FBXL20: variants seen among roughly 807,000 people sequenced by gnomAD.
FBXL20 encodes F-box/LRR-repeat protein 20.
In FBXL20, 11 loss-of-function variants were observed where a neutral mutation model predicts 64.0. The observed-to-expected ratio is 0.17, with a 90% CI of 0.11 to 0.28. FBXL20 has a LOEUF of 0.28. Among genes scored for constraint, FBXL20 ranks in the 10% least tolerant of loss-of-function variants. FBXL20 has a pLI of 1.00. For synonymous variants in FBXL20, 184 were observed against 189.0 expected (o/e 0.97, Z 0.22); for missense variants, 303 against 526.2 (o/e 0.58, Z 4.15).
At chr17:39,270,519 G>C (rs2046834736) in intron 11 of FBXL20, among the ~76,000 whole-genome samples, 1 of 152,092 alleles carries the variant, frequency 6.6e-6, no homozygotes, top group Non-Finnish European at 1.5e-5. Flanking sequence ...ACTCCAGCCT[G>C]GGTGACAGAG....
chr17:39,305,257 T>C (rs919044487), intron 2 of FBXL20, among the ~76,000 whole-genome samples: 1 of 152,198 alleles, frequency 6.6e-6, no homozygotes, highest in East Asian at 1.9e-4. Context: ...AACACAGCAA[T>C]GTTAGAAAAT....
chr17:39,353,825 A>T (rs2047711309), intron 1 of FBXL20, among the ~76,000 whole-genome samples: 1 of 151,900 alleles, frequency 6.6e-6, no homozygotes, highest in Admixed American at 6.6e-5. Context: ...GTTTCATCAT[A>T]TTGGCCAGGA....
At chr17:39,335,656 G>T (rs2047514238) in intron 2 of FBXL20, among the ~76,000 whole-genome samples, 1 of 151,228 alleles carries the variant, frequency 6.6e-6, no homozygotes, top group African/African-American at 2.4e-5. Context: ...GGAAAACACA[G>T]TCTTTGTCTT....
intron 1 of FBXL20, among the ~76,000 whole-genome samples, chr17:39,391,545 CA>C (rs201746058): frequency 5.4e-4 from 81 of 150,094 alleles, no homozygotes; most frequent in African/African-American, 1.9e-3. Context: ...ATAATACACA[CA>C]AAAAAAAACA....
chr17:39,280,232 T>C (rs2046936658), intron 9 of FBXL20, among the ~76,000 whole-genome samples: 1 of 84,018 alleles, frequency 1.2e-5, no homozygotes, highest in African/African-American at 3.2e-5. Context: ...CAAGACTCCG[T>C]CTCAAAAAAA....
intron 2 of FBXL20, among the ~76,000 whole-genome samples, chr17:39,324,797 C>T (rs538877546): frequency 6.6e-6 from 1 of 152,110 alleles, no homozygotes; most frequent in African/African-American, 2.4e-5. Flanking sequence ...CATTAACTTA[C>T]AAATTCTAAT....
At chr17:39,365,387 T>C (rs1243227944) in intron 1 of FBXL20, among the ~76,000 whole-genome samples, 1 of 152,224 alleles carries the variant, frequency 6.6e-6, no homozygotes, top group East Asian at 1.9e-4. Context: ...ATAAAATTGC[T>C]TTTTAGAAGC....
rs149540870 is a variant in FBXL20, at chr17:39,377,866, G to C, written c.42+23495C>G. The stretch of plus-strand genomic sequence containing the variant: ...GCGGGCAAGGTGAACTCCTTGAGCA[G>C]TTACAGCATGCTGGCACATGCCTGT... On this transcript the variant is annotated intron_variant, in intron 1 of 14. Coordinates refer to ENST00000264658, the MANE Select transcript of FBXL20 (RefSeq NM_032875.3). Among the ~76,000 whole-genome samples the C allele has an allele frequency of 4.6e-5, 7 of 152,288 alleles. No individual in the cohort carries two copies. The East Asian group carries it at 1.2e-3, about 25-fold the overall frequency.
intron 1 of FBXL20, among the ~76,000 whole-genome samples, chr17:39,383,559 G>A (rs939309972): frequency 2.0e-5 from 3 of 150,830 alleles, no homozygotes; most frequent in Non-Finnish European, 4.4e-5. Context: ...TATAGGTAGT[G>A]TCAGAGTCTC....
intron 1 of FBXL20, among the ~76,000 whole-genome samples, chr17:39,354,390 C>A (rs1264300457): frequency 6.6e-6 from 1 of 152,178 alleles, no homozygotes; most frequent in Admixed American, 6.6e-5. Context: ...CACTTACTAC[C>A]CATTCCATGT....
chr17:39,339,611 G>A (rs1245888629), intron 2 of FBXL20, among the ~76,000 whole-genome samples: 11 of 152,126 alleles, frequency 7.2e-5, no homozygotes, highest in South Asian at 2.1e-4. Context: ...GAATACTACC[G>A]TACAGTTGAA....
At chr17:39,265,703 T>G (rs925062003) in intron 12 of FBXL20, among the ~76,000 whole-genome samples, 4 of 151,380 alleles carry the variant, frequency 2.6e-5, no homozygotes, top group African/African-American at 9.7e-5. Context: ...TTTTTTTTTT[T>G]GTAGAGACAG....
intron 1 of FBXL20, among the ~76,000 whole-genome samples, chr17:39,388,330 A>T (rs1260324112): frequency 6.6e-6 from 1 of 151,876 alleles, no homozygotes; most frequent in Non-Finnish European, 1.5e-5. Context: ...ATGGTGGCAC[A>T]CGACTGTAAT....
chr17:39,357,152 A>G (rs777358456), intron 1 of FBXL20, among the ~76,000 whole-genome samples: 21 of 151,706 alleles, frequency 1.4e-4, no homozygotes, highest in Non-Finnish European at 2.8e-4. Context: ...GCATGTCTGT[A>G]ATCCCAGCTA....
intron 1 of FBXL20, among the ~76,000 whole-genome samples, chr17:39,387,050 T>C (rs2048088036): frequency 6.6e-6 from 1 of 152,218 alleles, no homozygotes; most frequent in Non-Finnish European, 1.5e-5. Flanking sequence ...GACGTTACAA[T>C]GGTGTACACG....
chr17:39,364,483 C>A (rs1205789603), intron 1 of FBXL20, among the ~76,000 whole-genome samples: 1 of 152,136 alleles, frequency 6.6e-6, no homozygotes, highest in East Asian at 1.9e-4. Context: ...GTGGTGCACA[C>A]CTGCAGTCTC....
intron 2 of FBXL20, among the ~76,000 whole-genome samples, chr17:39,338,979 C>A (rs547050515): frequency 6.6e-6 from 1 of 152,040 alleles, no homozygotes; most frequent in African/African-American, 2.4e-5. Context: ...CCAGCCTGGC[C>A]AACATCGTGA....
At chr17:39,279,238 C>T (rs892606146) in intron 9 of FBXL20, among the ~76,000 whole-genome samples, 15 of 152,180 alleles carry the variant, frequency 9.9e-5, no homozygotes, top group Non-Finnish European at 2.1e-4. Flanking sequence ...GTAGCTCACG[C>T]CTGTAATCCC....
intron 2 of FBXL20, among the ~76,000 whole-genome samples, chr17:39,327,199 TA>T (rs1202383394): frequency 6.6e-6 from 1 of 152,166 alleles, no homozygotes; most frequent in African/African-American, 2.4e-5. Context: ...TCTTGGCCTT[TA>T]AAAGTGTTGG....
Sources: gnomAD v4.1 joint callset for allele counts (sites outside exome capture counted in the v4.1 genomes callset) on GRCh38, gnomAD v4.1.1 for gene constraint, MANE v1.5 for transcripts, NCBI Gene and HGNC (gene_info 2026-07-23, HGNC 2026-07-21) for gene names.